Variants in MCCC1 observed in about 807,000 individuals in gnomAD.
MCCC1 encodes the protein methylcrotonyl-CoA carboxylase subunit 1.
MCCC1 carries 64 observed loss-of-function variants against 83.8 expected under a neutral mutation model. The observed-to-expected ratio is 0.76, with a 90% CI of 0.62 to 0.94. The LOEUF (loss-of-function observed/expected upper bound fraction) is 0.94. Ranked by LOEUF, MCCC1 falls within the 40% of genes least tolerant of loss-of-function variation. The pLI is 0.00. For missense variants in MCCC1, 807 were observed against 904.7 expected (o/e 0.89, Z 1.39); for synonymous variants, 322 against 315.4 (o/e 1.02, Z -0.22).
chr3:183,047,025 C>T (rs377184057), intron 9 of MCCC1, among the ~76,000 whole-genome samples: 1 of 152,316 alleles, frequency 6.6e-6, no homozygotes, highest in African/African-American at 2.4e-5. Context: ...CCTCCAGGAG[C>T]TCTACCAGGT....
At chr3:183,055,477 CAAT>C (rs1245997135) in intron 8 of MCCC1, among the ~76,000 whole-genome samples, 21 of 152,116 alleles carry the variant, frequency 1.4e-4, no homozygotes, top group Non-Finnish European at 2.5e-4. Flanking sequence ...GTTTAACTGT[CAAT>C]ATACCAAAGT....
chr3:183,032,518 C>A (rs979329074), intron 14 of MCCC1, among the ~76,000 whole-genome samples: 10 of 152,172 alleles, frequency 6.6e-5, no homozygotes, highest in Non-Finnish European at 1.5e-4. Flanking sequence ...AAGATAATGA[C>A]CATCTAGGCT....
At chr3:183,105,818 A>G (rs1241911533) in intron 1 of MCCC1, among the ~76,000 whole-genome samples, 1 of 152,056 alleles carries the variant, frequency 6.6e-6, no homozygotes, top group African/African-American at 2.4e-5. Context: ...GGCCTGGTGC[A>G]GTGGCTCACG....
At chr3:183,032,001 A>G (rs1379940539) in intron 14 of MCCC1, among the ~76,000 whole-genome samples, 1 of 151,914 alleles carries the variant, frequency 6.6e-6, no homozygotes. Context: ...CATGCATTCT[A>G]TTTAATTGTG....
intron 16 of MCCC1, 36 bp from the exon 17 acceptor site, chr3:183,020,273 A>G: frequency 6.8e-7 from 1 of 1,461,876 alleles, no homozygotes; most frequent in Non-Finnish European, 9.6e-7. Flanking sequence ...CCGAATCAAC[A>G]TCCTATCACT....
intron 15 of MCCC1, among the ~76,000 whole-genome samples, chr3:183,025,294 T>A (rs1450198703): frequency 6.6e-6 from 1 of 152,246 alleles, no homozygotes; most frequent in Non-Finnish European, 1.5e-5. Context: ...AAATTCTACA[T>A]TATGTGTATT....
upstream of MCCC1, among the ~76,000 whole-genome samples, chr3:183,104,047 G>A (rs1719367402): frequency 6.6e-6 from 1 of 152,156 alleles, no homozygotes; most frequent in South Asian, 2.1e-4. Flanking sequence ...CGAGTGCGAG[G>A]CCCACCAAGC....
chr3:183,105,605 C>A (rs573115411), intron 1 of MCCC1, among the ~76,000 whole-genome samples: 1 of 152,090 alleles, frequency 6.6e-6, no homozygotes, highest in Non-Finnish European at 1.5e-5. Context: ...TTATTGTACA[C>A]CCTTTTGCAT....
At chr3:183,022,877 GC>G (rs1280941466) in intron 15 of MCCC1, among the ~76,000 whole-genome samples, 1 of 152,068 alleles carries the variant, frequency 6.6e-6, no homozygotes, top group African/African-American at 2.4e-5. Flanking sequence ...ACCAAGTTAT[GC>G]AAAATTATTA....
chr3:183,048,140 T>C lies in MCCC1; in HGVS notation c.956-2600A>G, dbSNP rs1424556125. 2.6e-5 allele frequency among the ~76,000 whole-genome samples: 4 copies of C among 152,192 alleles called. No individual in the cohort carries two copies. The South Asian group carries it at 6.2e-4, about 24-fold the overall frequency. On this transcript the variant is annotated intron_variant, in intron 9 of 18. Transcript: ENST00000265594. ...ATGCAGCATATGACTGTACTTGATA[T>C]GCTAAAAAAGGAGAGGAAATTGGAT...
chr3:183,018,182 C>T (rs375190336), intron 17 of MCCC1, among the ~76,000 whole-genome samples: 43 of 116,424 alleles, frequency 3.7e-4, no homozygotes, highest in East Asian at 3.7e-3. Context: ...AGCCCAAATG[C>T]ACTGGTCAAA....
chr3:183,057,359 G>A lies in MCCC1; in HGVS notation c.825C>T (p.Asp275=). 1 of 1,611,068 alleles carries A rather than the reference G, an allele frequency of 6.2e-7. No homozygotes were observed. The change falls in exon 8 of 19, where the codon GAC becomes GAT. Residue 275 remains aspartate (D), a synonymous_variant. Coordinates refer to ENST00000265594, the MANE Select transcript of MCCC1 (RefSeq NM_020166.5). ...TCTGATGTCGCCTCTGCACACTACA[G>A]TCTCTTTCAAACAAGTACACAGCAT... is the stretch of plus-strand genomic sequence containing the variant. The part of the protein sequence containing the change: ...HGNAVYLFER[D]CSVQRRHQKI...
chr3:183,028,095 T>G (rs553895807), intron 14 of MCCC1, among the ~76,000 whole-genome samples: 1 of 152,214 alleles, frequency 6.6e-6, no homozygotes, highest in Non-Finnish European at 1.5e-5. Flanking sequence ...TTCTAGGGGT[T>G]AATGCAGCCA....
chr3:183,050,310 T>C (rs1714869057), intron 9 of MCCC1, among the ~76,000 whole-genome samples: 1 of 152,118 alleles, frequency 6.6e-6, no homozygotes, highest in Non-Finnish European at 1.5e-5. Context: ...CTAGACAAGC[T>C]TGAGTATGGT....
chr3:183,043,772 T>C (rs2108483446), intron 10 of MCCC1, among the ~76,000 whole-genome samples: 1 of 152,376 alleles, frequency 6.6e-6, no homozygotes, highest in East Asian at 1.9e-4. Context: ...AGATGTCTGC[T>C]GGTTTCCTTA....
At chr3:183,048,975 T>C (rs955752874) in intron 9 of MCCC1, among the ~76,000 whole-genome samples, 1 of 152,324 alleles carries the variant, frequency 6.6e-6, no homozygotes, top group East Asian at 1.9e-4. Context: ...TATTTGGATG[T>C]TAAACAACAC....
intron 16 of MCCC1, 23 bp downstream of exon 16, chr3:183,022,394 A>G: frequency 6.2e-7 from 1 of 1,613,404 alleles, no homozygotes. Flanking sequence ...CCCAGGAGGG[A>G]TATTATAAAG....
chr3:183,053,726 A>G (rs1715176633), intron 8 of MCCC1, among the ~76,000 whole-genome samples: 1 of 147,538 alleles, frequency 6.8e-6, no homozygotes, highest in African/African-American at 2.5e-5. Context: ...AATGGCGTGA[A>G]CCCAGGAGGC....
intron 4 of MCCC1, among the ~76,000 whole-genome samples, chr3:183,075,836 G>A (rs1375906849): frequency 2.0e-5 from 3 of 150,574 alleles, no homozygotes; most frequent in Admixed American, 1.3e-4. Context: ...CACTGTGCCC[G>A]GCTGTCCTTT....
Sources: gnomAD v4.1 joint callset for allele counts (sites outside exome capture counted in the v4.1 genomes callset) on GRCh38, gnomAD v4.1.1 for gene constraint, MANE v1.5 for transcripts, NCBI Gene and HGNC (gene_info 2026-07-23, HGNC 2026-07-21) for gene names.